Variants in NLRC5 observed in about 807,000 individuals in gnomAD.
NLRC5 encodes protein NLRC5.
A neutral mutation model predicts 206.9 loss-of-function variants in NLRC5; 114 were observed. The observed-to-expected ratio is 0.55, with a 90% CI of 0.47 to 0.64. The LOEUF (loss-of-function observed/expected upper bound fraction) is 0.64. NLRC5 is among the 30% of genes least tolerant of loss of function. The pLI is 0.00. For missense variants in NLRC5, 2,008 were observed against 2,305.5 expected, an observed-to-expected ratio of 0.87 and a Z score of 2.64; for synonymous variants, 952 against 962.8, an observed-to-expected ratio of 0.99 and a Z score of 0.21.
rs775155889 is a variant in NLRC5, at chr16:57,031,433, C to G, written c.2447C>G (p.Pro816Arg). The change falls in exon 11 of 49, where the codon CCG becomes CGG. Residue 816 changes from proline to arginine, a missense_variant. Pro to Arg is a moderately radical substitution (Grantham distance 103). Transcript: ENST00000688547. ...GCGGACCTCATCTTCCTTCTTTCCCCGCCCACAGAGACAACTGCAGAGCTA... is the reference window on the plus strand; with the variant it reads ...GCGGACCTCATCTTCCTTCTTTCCCGGCCCACAGAGACAACTGCAGAGCTA... The part of the protein sequence containing the change: ...READLIFLLS[P>R]PTETTAELQR... 34 of 1,613,640 alleles carry G rather than the reference C, an allele frequency of 2.1e-5. No individual in the cohort carries two copies. The highest frequency in any genetic ancestry group is 2.9e-5 in the Non-Finnish European group (34 of 1,179,968).
intron 1 of NLRC5, among the ~76,000 whole-genome samples, chr16:57,006,888 C>CATTATTATT (rs9302685): frequency 0.12 from 17,743 of 143,878 alleles, 1,287 homozygotes; most frequent in East Asian, 0.34. Context: ...ACCGTTAACA[C>CATTATTATT]ATTATTATTA....
rs184713349 is a variant in NLRC5, at chr16:57,077,787, G to T, written c.4988G>T (p.Arg1663Leu). Residue 1663 changes from arginine to leucine, a missense_variant, in exon 42 of 49, where the codon CGC becomes CTC. By Grantham distance (102) the Arg-to-Leu change is moderately radical. Transcript: ENST00000688547. ...QLAESLVLCR[R>L]LEELMLGCNA... ...GCAGAGTCTCTCGTTCTTTGCAGGCGCCTGGAGGAGTTGATGTGAGTGTCT... is the reference window on the plus strand; with the variant it reads ...GCAGAGTCTCTCGTTCTTTGCAGGCTCCTGGAGGAGTTGATGTGAGTGTCT... 5 of 1,603,410 alleles carry T rather than the reference G, an allele frequency of 3.1e-6. No homozygotes were observed. Among genetic ancestry groups the T allele is most frequent in the Admixed American group, 1.7e-5 (1 of 59,002 alleles).
chr16:57,023,943 A>G (rs2060972826), intron 5 of NLRC5, 90 bp downstream of exon 5: 2 of 1,185,220 alleles, frequency 1.7e-6, no homozygotes, highest in Non-Finnish European at 2.4e-6. Flanking sequence ...CCCTGCCAAT[A>G]AGCCTCCAGA....
intron 46 of NLRC5, among the ~76,000 whole-genome samples, chr16:57,080,657 G>T (rs777611229): frequency 6.6e-6 from 1 of 151,844 alleles, no homozygotes; most frequent in Non-Finnish European, 1.5e-5. Context: ...GCTAATTTTT[G>T]TATTTTTAGT....
intron 27 of NLRC5, among the ~76,000 whole-genome samples, chr16:57,056,551 G>A (rs567364510): frequency 1.3e-5 from 2 of 152,354 alleles, no homozygotes; most frequent in African/African-American, 4.8e-5. Flanking sequence ...CCAGGTTGCT[G>A]AGATTACAGG....
At chr16:57,048,658 T>C (rs1329149382) in intron 23 of NLRC5, among the ~76,000 whole-genome samples, 6 of 152,122 alleles carry the variant, frequency 3.9e-5, no homozygotes, top group Non-Finnish European at 8.8e-5. Context: ...CTCAGCCTCC[T>C]GAGTAGCTGG....
chr16:57,030,706 C>A (rs2061781829), intron 10 of NLRC5, among the ~76,000 whole-genome samples: 1 of 152,082 alleles, frequency 6.6e-6, no homozygotes, highest in African/African-American at 2.4e-5. Flanking sequence ...CAGGCATAGC[C>A]AAAGGAATAA....
intron 33 of NLRC5, among the ~76,000 whole-genome samples, chr16:57,066,324 A>G (rs2067080881): frequency 6.6e-6 from 1 of 151,534 alleles, no homozygotes; most frequent in East Asian, 1.9e-4. Flanking sequence ...AAAAAAAAAG[A>G]AAGAGAAAAA....
chr16:57,079,602 C>G lies in NLRC5; in HGVS notation c.5294C>G (p.Thr1765Arg), dbSNP rs936423148. ...GCCAAGCTCCTCACCTCCAGCTTCACGAGCTGCCCTGCCCTGGAAGTAATC... is the reference window on the plus strand; with the variant it reads ...GCCAAGCTCCTCACCTCCAGCTTCAGGAGCTGCCCTGCCCTGGAAGTAATC... ...QTAKLLTSSF[T>R]SCPALEVILL... is the part of the protein sequence containing the mutation. The change falls in exon 46 of 49, where the codon ACG (threonine) becomes AGG (arginine). Residue 1765 changes from threonine to arginine, a missense_variant. Coordinates refer to ENST00000688547, the MANE Select transcript of NLRC5 (RefSeq NM_001384950.1). 1.2e-6 allele frequency: 2 copies of G among 1,613,970 alleles called. No individual in the cohort carries two copies. The highest frequency in any genetic ancestry group is 1.1e-5 in the South Asian group (1 of 91,074).
intron 19 of NLRC5, among the ~76,000 whole-genome samples, chr16:57,042,899 G>A (rs995738177): frequency 6.6e-6 from 1 of 152,054 alleles, no homozygotes; most frequent in Non-Finnish European, 1.5e-5. Flanking sequence ...TCCTGTTCAG[G>A]GCCTGCACCT....
chr16:57,038,600 G>T (rs1472211367), intron 15 of NLRC5, among the ~76,000 whole-genome samples: 3 of 104,172 alleles, frequency 2.9e-5, no homozygotes, highest in Non-Finnish European at 7.0e-5. Context: ...GATTATAAAA[G>T]ATTATAATAA....
At chr16:57,039,149 C>A (rs2062974083) in intron 15 of NLRC5, among the ~76,000 whole-genome samples, 1 of 152,086 alleles carries the variant, frequency 6.6e-6, no homozygotes, top group Non-Finnish European at 1.5e-5. Flanking sequence ...CCAAAGGTTA[C>A]CAGGGGTAAT....
intron 4 of NLRC5, 148 bp from the exon 5 acceptor site, chr16:57,023,637 C>T (rs575402644): frequency 5.0e-6 from 3 of 597,560 alleles, no homozygotes; most frequent in Non-Finnish European, 8.9e-6. Context: ...CCAGCCTCTG[C>T]CTGCTGCCTG....
At chr16:57,080,851 T>C (rs1171867929) in intron 46 of NLRC5, 2 of 511,468 alleles carry the variant, frequency 3.9e-6, no homozygotes, top group Admixed American at 3.6e-5. Context: ...GGTACATGTA[T>C]GTGGCAAAAA....
At chr16:57,037,695 C>G (rs1343950361) in intron 15 of NLRC5, among the ~76,000 whole-genome samples, 2 of 152,152 alleles carry the variant, frequency 1.3e-5, no homozygotes, top group African/African-American at 4.8e-5. Context: ...ACCGTCAGTT[C>G]ATGATGTGCG....
At position 57,058,238 on chromosome 16, in the gene NLRC5, C is replaced by G. The variant is rs1303519061; in HGVS notation, c.3830+90C>G. The G allele has an allele frequency of 2.6e-5, 28 of 1,072,728 alleles. No individual in the cohort carries two copies. The South Asian group carries it at 3.3e-4, about 13-fold the overall frequency. 66.5% of individuals were successfully genotyped at this position (1,072,728 alleles called of 1,614,324 possible). On this transcript the variant is annotated intron_variant, in intron 28 of 48. Coordinates refer to ENST00000688547, the MANE Select transcript of NLRC5 (RefSeq NM_001384950.1). ...ATGGGGGCTCCTTCTGAGGGCATCC[C>G]CCAGAGCACCAGAGGACAAGGACTG...
rs1335697069 is a variant in NLRC5 at position 57,083,402 on chromosome 16, C to T, written c.*874C>T. 2 of 152,248 alleles carry T rather than the reference C, an allele frequency of 1.3e-5. No individual in the cohort carries two copies. Among genetic ancestry groups the T allele is most frequent in the Non-Finnish European group, 2.9e-5 (2 of 68,056 alleles). 9.4% of individuals were successfully genotyped at this position (152,248 alleles called of 1,614,324 possible). On this transcript the variant is annotated 3_prime_UTR_variant, in exon 49 of 49. Transcript: ENST00000688547. ...GTCCAGCTACTACTTTGGTGGGATT[C>T]AGGTGAGTCTCCATGCACTTCACAT...
chr16:57,040,640 G>A lies in NLRC5; in HGVS notation c.2871-10G>A, dbSNP rs1357849259. 3 of 1,613,792 alleles carry A rather than the reference G, an allele frequency of 1.9e-6. No individual in the cohort carries two copies. The highest frequency in any genetic ancestry group is 2.5e-6 in the Non-Finnish European group (3 of 1,179,780). On this transcript the variant is annotated splice_polypyrimidine_tract_variant and intron_variant, in intron 16 of 48. Coordinates refer to ENST00000688547, the MANE Select transcript of NLRC5 (RefSeq NM_001384950.1). Reference sequence around the variant, plus strand: ...CTTTGCTCAGCCTGGCCTTGGTGATGTCCCTCCAGGGCTGCATTTCTTGAC... The same window carrying A: ...CTTTGCTCAGCCTGGCCTTGGTGATATCCCTCCAGGGCTGCATTTCTTGAC...
At chr16:57,003,276 C>T (rs1419187971) in intron 1 of NLRC5, among the ~76,000 whole-genome samples, 3 of 151,816 alleles carry the variant, frequency 2.0e-5, no homozygotes, top group Non-Finnish European at 4.4e-5. Flanking sequence ...TCTCAAACTC[C>T]GGACCTCAGG....
Sources: allele counts gnomAD v4.1 joint callset (sites outside exome capture counted in the v4.1 genomes callset), GRCh38; gene constraint gnomAD v4.1.1; transcripts MANE v1.5; gene names NCBI Gene and HGNC (gene_info 2026-07-23, HGNC 2026-07-21).